The following KLF8 variants were observed in gnomAD, a reference collection of about 807,000 sequenced individuals.
KLF8 encodes the protein KLF transcription factor 8.
A neutral mutation model predicts 18.2 loss-of-function variants in KLF8; 10 were observed. The ratio of observed to expected loss-of-function variants is 0.55; its 90% CI spans 0.34 to 0.93. KLF8 has a LOEUF of 0.93. Ranked by LOEUF, KLF8 falls within the 40% of genes least tolerant of loss-of-function variation. KLF8 has a pLI of 0.02. For synonymous variants in KLF8, 109 were observed against 97.3 expected, an observed-to-expected ratio of 1.12 and a Z score of -0.71; for missense variants, 264 against 277.9, an observed-to-expected ratio of 0.95 and a Z score of 0.36.
chrX:56,136,165 A>G, the KLF8 span, among the ~76,000 whole-genome samples: 3 of 111,587 alleles, frequency 2.7e-5, no homozygotes, highest in Non-Finnish European at 5.7e-5. Context: ...TGTGAAAATG[A>G]CCATACTGCC....
the KLF8 span, among the ~76,000 whole-genome samples, chrX:56,220,499 T>C: frequency 1.8e-5 from 2 of 111,810 alleles, no homozygotes; most frequent in Non-Finnish European, 3.8e-5. Flanking sequence ...CTTTTCTTTT[T>C]TTTTGAGAAA....
At chrX:56,172,720 C>A in the KLF8 span, among the ~76,000 whole-genome samples, 1 of 111,901 alleles carries the variant, frequency 8.9e-6, no homozygotes, top group Non-Finnish European at 1.9e-5. Flanking sequence ...CCAGTCCCGC[C>A]AACAGTGTAA....
the KLF8 span, among the ~76,000 whole-genome samples, chrX:56,012,234 A>C: frequency 3.6e-5 from 4 of 111,899 alleles, no homozygotes; most frequent in Non-Finnish European, 7.5e-5. Flanking sequence ...TGGCAAACCA[A>C]TTCCAGCAGC....
At chrX:56,210,164 A>G in the KLF8 span, among the ~76,000 whole-genome samples, 1 of 111,595 alleles carries the variant, frequency 9.0e-6, no homozygotes, top group African/African-American at 3.3e-5. Flanking sequence ...GTGATTATTT[A>G]TTGCTCATTA....
At chrX:55,909,379 A>G in the KLF8 span, among the ~76,000 whole-genome samples, 2 of 112,495 alleles carry the variant, frequency 1.8e-5, no homozygotes, top group Non-Finnish European at 3.8e-5. Flanking sequence ...CTGCTGTTTT[A>G]GCTCAAAGGG....
At chrX:56,117,265 G>C in the KLF8 span, among the ~76,000 whole-genome samples, 597 of 112,029 alleles carry the variant, frequency 5.3e-3, 4 homozygotes, top group Middle Eastern at 9.2e-3. Flanking sequence ...ATTTGAACTT[G>C]CTCATGAACA....
the KLF8 span, among the ~76,000 whole-genome samples, chrX:56,136,848 C>T: frequency 9.1e-6 from 1 of 110,238 alleles, no homozygotes; most frequent in Non-Finnish European, 1.9e-5. Context: ...TTTTCGCAAC[C>T]TACTCATCCG....
At chrX:56,127,046 C>A in the KLF8 span, among the ~76,000 whole-genome samples, 1 of 110,173 alleles carries the variant, frequency 9.1e-6, no homozygotes, top group Non-Finnish European at 1.9e-5. Flanking sequence ...AACCACCATG[C>A]CTGGCCTACA....
At chrX:55,945,085 T>C in the KLF8 span, among the ~76,000 whole-genome samples, 2 of 111,620 alleles carry the variant, frequency 1.8e-5, no homozygotes, top group Admixed American at 1.9e-4. Context: ...CATTTCGTTA[T>C]GTACCCAGTA....
the KLF8 span, among the ~76,000 whole-genome samples, chrX:56,003,133 G>A: frequency 3.6e-5 from 4 of 111,728 alleles, no homozygotes; most frequent in Non-Finnish European, 7.5e-5. Context: ...GCTCAGGCCT[G>A]TAATCCCAGC....
the KLF8 span, among the ~76,000 whole-genome samples, chrX:56,136,445 C>G: frequency 3.0e-3 from 329 of 110,562 alleles, no homozygotes; most frequent in African/African-American, 0.01. Flanking sequence ...TCAGAAATAA[C>G]GCCGCATATC....
chrX:56,183,033 G>A, the KLF8 span, among the ~76,000 whole-genome samples: 1 of 112,614 alleles, frequency 8.9e-6, no homozygotes, highest in African/African-American at 3.2e-5. Context: ...AGGAATTTCT[G>A]CTGCCTTTTA....
chrX:56,112,416 A>T, the KLF8 span, among the ~76,000 whole-genome samples: 1 of 111,751 alleles, frequency 8.9e-6, no homozygotes, highest in Admixed American at 9.4e-5. Flanking sequence ...CCACCATGGC[A>T]TGTGTATACC....
chrX:56,101,213 C>T, the KLF8 span, among the ~76,000 whole-genome samples: 1 of 112,055 alleles, frequency 8.9e-6, no homozygotes, highest in Non-Finnish European at 1.9e-5. Context: ...TAAATGAGAA[C>T]ATGTGGCATT....
At chrX:56,083,291 T>G in the KLF8 span, among the ~76,000 whole-genome samples, 2 of 112,328 alleles carry the variant, frequency 1.8e-5, no homozygotes, top group African/African-American at 3.2e-5. Flanking sequence ...TTTAACTCAT[T>G]TAATATTTGG....
the KLF8 span, among the ~76,000 whole-genome samples, chrX:56,048,068 T>C: frequency 4.5e-5 from 5 of 112,344 alleles, no homozygotes; most frequent in East Asian, 1.1e-3. Flanking sequence ...ATGTCTTCTT[T>C]TGAGAAGTGT....
chrX:55,961,301 G>A, the KLF8 span: 1 of 396,405 alleles, frequency 2.5e-6, no homozygotes, highest in East Asian at 5.5e-5. Flanking sequence ...AGGTCCTGGT[G>A]GACCTATGTG....
chrX:56,043,117 T>C, the KLF8 span, among the ~76,000 whole-genome samples: 3 of 112,046 alleles, frequency 2.7e-5, no homozygotes, highest in Admixed American at 2.8e-4. Flanking sequence ...GGAAATCCTT[T>C]TTTTTTAAGA....
the KLF8 span, among the ~76,000 whole-genome samples, chrX:56,150,881 C>T: frequency 2.7e-5 from 3 of 111,326 alleles, no homozygotes; most frequent in Non-Finnish European, 5.6e-5. Context: ...TAATATAAAA[C>T]TGTAATAAGT....
Sources: allele counts gnomAD v4.1 joint callset (sites outside exome capture counted in the v4.1 genomes callset), GRCh38; gene constraint gnomAD v4.1.1; transcripts MANE v1.5; gene names NCBI Gene and HGNC (gene_info 2026-07-23, HGNC 2026-07-21).